Variants in TMEM233 observed in about 807,000 individuals in gnomAD.
TMEM233 encodes transmembrane protein 233, also known as dispanin subfamily B member 2.
In TMEM233, 6 loss-of-function variants were observed where a neutral mutation model predicts 11.2. That is an observed-to-expected ratio of 0.54 (90% confidence interval 0.29 to 1.06). The LOEUF (loss-of-function observed/expected upper bound fraction) is 1.06. Among genes scored for constraint, TMEM233 ranks in the 50% least tolerant of loss-of-function variants. The pLI, the probability that TMEM233 is intolerant of heterozygous loss-of-function variation, is 0.08. For synonymous variants in TMEM233, 59 were observed against 55.8 expected (o/e 1.06, Z -0.26); for missense variants, 127 against 144.7 (o/e 0.88, Z 0.63).
rs538234430 is a variant in TMEM233 at position 119,620,264 on chromosome 12, T to C, written c.187-9472T>C. Among the ~76,000 whole-genome samples the C allele has an allele frequency of 1.2e-4, 18 of 152,322 alleles. No homozygotes were observed. In the South Asian group the frequency reaches 3.1e-3, roughly 26 times the overall value. On this transcript the variant is annotated intron_variant, in intron 1 of 2. Coordinates refer to ENST00000426426, the MANE Select transcript of TMEM233 (RefSeq NM_001136534.3). Reference sequence around the variant, plus strand: ...GAATGGGGAAACAATAGATTGATAATATACAGTATTGGCAATGATGTCAGG... The same window carrying C: ...GAATGGGGAAACAATAGATTGATAACATACAGTATTGGCAATGATGTCAGG...
chr12:119,649,222 C>G, the TMEM233 span, among the ~76,000 whole-genome samples: 1 of 152,064 alleles, frequency 6.6e-6, no homozygotes, highest in Admixed American at 6.6e-5. Flanking sequence ...CTCCTGAACC[C>G]AGGTGGCGGA....
At chr12:119,616,493 G>T (rs556952894) in intron 1 of TMEM233, among the ~76,000 whole-genome samples, 1 of 152,268 alleles carries the variant, frequency 6.6e-6, no homozygotes, top group Admixed American at 6.5e-5. Context: ...AATTATGAGT[G>T]CTATAGCTTA....
the TMEM233 span, among the ~76,000 whole-genome samples, chr12:119,649,985 C>T: frequency 6.6e-5 from 10 of 151,434 alleles, 1 homozygote; most frequent in African/African-American, 1.9e-4. Context: ...GTTGAAACCC[C>T]GTCTCTACTA....
Position 119,641,746 on chromosome 12 carries a change from A to G in TMEM233, c.*1041A>G, listed in dbSNP as rs1212663735. 3 of 152,188 alleles carry G rather than the reference A, an allele frequency of 2.0e-5. No homozygotes were observed. Among genetic ancestry groups the G allele is most frequent in the Non-Finnish European group, 1.5e-5 (1 of 68,038 alleles). 9.4% of individuals were successfully genotyped at this position (152,188 alleles called of 1,614,324 possible). A position where few individuals can be genotyped will look rare whatever the true frequency, so the allele number is the denominator to read the frequency against. ...ACAAGATAATTTTTAAGTAGTTTCT[A>G]GGAACAACATTAAGTAATACCAAAT... On this transcript the variant is annotated 3_prime_UTR_variant, in exon 3 of 3. Transcript: ENST00000426426.
At chr12:119,601,087 A>G (rs1954154786) in intron 1 of TMEM233, among the ~76,000 whole-genome samples, 1 of 152,210 alleles carries the variant, frequency 6.6e-6, no homozygotes, top group African/African-American at 2.4e-5. Flanking sequence ...CACAAAAAGG[A>G]AAGGACAAAG....
intron 2 of TMEM233, among the ~76,000 whole-genome samples, chr12:119,635,710 T>A (rs1318120051): frequency 6.6e-6 from 1 of 152,228 alleles, no homozygotes; most frequent in African/African-American, 2.4e-5. Flanking sequence ...AGCCCCAGGT[T>A]GTGACCTGCG....
chr12:119,644,072 A>G (rs771197366), downstream of TMEM233, among the ~76,000 whole-genome samples: 9 of 152,090 alleles, frequency 5.9e-5, no homozygotes, highest in East Asian at 1.9e-4. Flanking sequence ...TCCAGGGGGG[A>G]AAAATGGTTC....
chr12:119,623,027 C>T (rs1954674880), intron 1 of TMEM233, among the ~76,000 whole-genome samples: 2 of 152,136 alleles, frequency 1.3e-5, no homozygotes, highest in South Asian at 2.1e-4. Context: ...ACCCAAATCC[C>T]CTTCAGCCAG....
rs146118524 is a variant in TMEM233, at chr12:119,603,636, T to G, written c.186+9602T>G. Among the ~76,000 whole-genome samples, 1,282 of 152,292 alleles carry G rather than the reference T, an allele frequency of 8.4e-3. 19 individuals are homozygous for G. Among genetic ancestry groups the G allele is most frequent in the African/African-American group, 0.029 (1,214 of 41,552 alleles). On this transcript the variant is annotated intron_variant, in intron 1 of 2. Transcript: ENST00000426426. ...TGAAGCCTTTTTTGATTGCCTCCTC[T>G]CTTTCACTCAAGGTTGTGCCCTCTT... is the stretch of plus-strand genomic sequence containing the variant.
chr12:119,644,385 A>G (rs1955124442), downstream of TMEM233, among the ~76,000 whole-genome samples: 3 of 152,038 alleles, frequency 2.0e-5, no homozygotes, highest in Admixed American at 2.0e-4. Flanking sequence ...AAACAAACAA[A>G]CAAAAAAAAC....
chr12:119,627,067 C>T (rs896066261), intron 1 of TMEM233, among the ~76,000 whole-genome samples: 12 of 152,176 alleles, frequency 7.9e-5, no homozygotes, highest in Admixed American at 2.0e-4. Flanking sequence ...TTGGGGAAGG[C>T]GGACAAGCTT....
chr12:119,638,337 C>T lies in TMEM233; in HGVS notation c.324-2362C>T, dbSNP rs377128750. On this transcript the variant is annotated intron_variant, in intron 2 of 2. Coordinates refer to ENST00000426426, the MANE Select transcript of TMEM233 (RefSeq NM_001136534.3). ...ATATATCTGGGCTTGGTGGCATGCA[C>T]CTGTAGTCCCAGCTACTTGGGAGGC... Among the ~76,000 whole-genome samples, 11 of 152,210 alleles carry T rather than the reference C, an allele frequency of 7.2e-5. No individual in the cohort carries two copies. The East Asian group carries it at 1.4e-3, about 19-fold the overall frequency.
rs1367196120 is a variant in TMEM233 at position 119,595,810 on chromosome 12, AC to A, written c.186+1778del. Among the ~76,000 whole-genome samples the A allele has an allele frequency of 1.3e-5, 2 of 152,040 alleles. No homozygotes were observed. The highest frequency in any genetic ancestry group is 4.8e-5 in the African/African-American group (2 of 41,380). Reference sequence around the variant, plus strand: ...CAAGCTCTGTTCTTCCTTCCCTGCTACCTTTTGACCAAATTACTTCTCTCCA... The same window carrying A: ...CAAGCTCTGTTCTTCCTTCCCTGCTACTTTTGACCAAATTACTTCTCTCCA... On this transcript the variant is annotated intron_variant, in intron 1 of 2. Coordinates refer to ENST00000426426, the MANE Select transcript of TMEM233 (RefSeq NM_001136534.3). This position sits in a 1 kb window ranked among gnomAD's most constrained non-coding sequence, Gnocchi z 4.3.
intron 1 of TMEM233, among the ~76,000 whole-genome samples, chr12:119,610,537 AC>A (rs1224539675): frequency 6.6e-6 from 1 of 152,054 alleles, no homozygotes; most frequent in Non-Finnish European, 1.5e-5. Flanking sequence ...CATGGGAGGG[AC>A]CTGGTGGGAG....
intron 1 of TMEM233, among the ~76,000 whole-genome samples, chr12:119,618,755 A>T (rs989153642): frequency 4.6e-5 from 7 of 152,160 alleles, no homozygotes; most frequent in Non-Finnish European, 1.0e-4. Context: ...GAAGTGACTA[A>T]CTTGCTTTTG....
At chr12:119,610,919 A>G (rs1954385254) in intron 1 of TMEM233, among the ~76,000 whole-genome samples, 1 of 152,154 alleles carries the variant, frequency 6.6e-6, no homozygotes, top group South Asian at 2.1e-4. Flanking sequence ...CTTATAAATG[A>G]AATCATACAA....
chr12:119,598,908 C>G (rs1469463770), intron 1 of TMEM233, among the ~76,000 whole-genome samples: 2 of 152,096 alleles, frequency 1.3e-5, no homozygotes, highest in Non-Finnish European at 2.9e-5. Flanking sequence ...AGCTAGAATT[C>G]AATAAGTATT....
chr12:119,629,541 T>C (rs1408915827), intron 1 of TMEM233, among the ~76,000 whole-genome samples, 195 bp from the exon 2 acceptor site: 1 of 152,214 alleles, frequency 6.6e-6, no homozygotes, highest in African/African-American at 2.4e-5. Flanking sequence ...GAGGGGGCAG[T>C]TAACTCATCC....
chr12:119,647,868 TG>T (rs1955175393), downstream of TMEM233, among the ~76,000 whole-genome samples: 1 of 133,838 alleles, frequency 7.5e-6, no homozygotes. Flanking sequence ...AGTGAGAACA[TG>T]CGGTGTTTTA....
Sources: gnomAD v4.1 joint callset for allele counts (sites outside exome capture counted in the v4.1 genomes callset) on GRCh38, gnomAD v4.1.1 for gene constraint, Gnocchi (gnomAD v3.1) non-coding constraint, MANE v1.5 for transcripts, NCBI Gene and HGNC (gene_info 2026-07-23, HGNC 2026-07-21) for gene names.